The following TNS2 variants were observed in gnomAD, a reference collection of about 807,000 sequenced individuals.
TNS2 encodes tensin 2.
Under a neutral mutation model 155.7 loss-of-function variants are expected in TNS2, and 77 were observed. The observed-to-expected ratio is 0.49, with a 90% confidence interval of 0.41 to 0.60. The LOEUF is 0.60. TNS2 is among the 20% of genes least tolerant of loss of function. TNS2 has a pLI of 0.00. For missense variants in TNS2, 1,703 were observed against 1,868.8 expected (o/e 0.91, Z 1.64); for synonymous variants, 726 against 763.9 (o/e 0.95, Z 0.82).
intron 8 of TNS2, 128 bp downstream of exon 8, chr12:53,055,364 T>C: frequency 8.3e-7 from 1 of 1,205,050 alleles, no homozygotes; most frequent in Non-Finnish European, 1.2e-6. Flanking sequence ...CACTCTCCCA[T>C]GATATATTAC....
chr12:53,048,755 G>T (rs561542324), upstream of TNS2, among the ~76,000 whole-genome samples: 1 of 152,320 alleles, frequency 6.6e-6, no homozygotes, highest in South Asian at 2.1e-4. Context: ...GTCCTCGCAA[G>T]GGTCTCAAGT....
In TNS2 at chr12:53,050,308, C is replaced by T. The variant is rs750446958; in HGVS notation, c.75+48C>T. On this transcript the variant is annotated intron_variant, in intron 1 of 28. Coordinates refer to ENST00000314250, the MANE Select transcript of TNS2 (RefSeq NM_170754.4). The surrounding 1 kb of genome is among the most constrained non-coding windows in gnomAD (Gnocchi z 4.7). ...CAAAAGAGGGGCAGGGGTGGAGGTG[C>T]GGGCAGTGGGGGAGGGGACCAGGAA... 2.4e-5 allele frequency: 37 copies of T among 1,531,874 alleles called. No individual in the cohort carries two copies. Among genetic ancestry groups the T allele is most frequent in the African/African-American group, 1.2e-4 (9 of 73,030 alleles). The allele number at this position is 1,531,874 out of a possible 1,614,324, so 94.9% of individuals were successfully genotyped here.
At chr12:53,049,414 G>T (rs1183955906), upstream of TNS2, among the ~76,000 whole-genome samples, 1 of 152,146 alleles carries the variant, frequency 6.6e-6, no homozygotes, top group African/African-American at 2.4e-5. Flanking sequence ...GAAACCTGGG[G>T]GCTTTCAGGA....
intron 10 of TNS2, chr12:53,056,374 C>G (rs890135134): frequency 6.5e-6 from 1 of 153,188 alleles, no homozygotes; most frequent in Non-Finnish European, 1.5e-5. Flanking sequence ...AAAACAAAAA[C>G]AAAACAAAAC....
Position 53,063,140 on chromosome 12 carries a change from C to A in TNS2, c.3875C>A (p.Pro1292His). 6.2e-7 allele frequency: 1 copy of A among 1,603,048 alleles called. No homozygotes were observed. The highest frequency in any genetic ancestry group is 1.3e-5 in the African/African-American group (1 of 74,636). The change falls in exon 26 of 29, where the codon CCC (proline) becomes CAC (histidine). Residue 1292 changes from proline (P) to histidine (H), a missense_variant. Physicochemically the swap from Pro to His is moderately conservative, Grantham distance 77. Transcript: ENST00000314250. The surrounding 1 kb of genome is among the most constrained non-coding windows in gnomAD (Gnocchi z 5.6). ...TSVETESLTGPQAVARASSAA... is the reference protein window; with the variant it reads ...TSVETESLTGHQAVARASSAA... ...GTGGAGACAGAGTCACTGACGGGCC[C>A]CCAAGCTGTGGCCCGGGCCAGCTCT...
rs1213075229 is a variant in TNS2 at position 53,061,908 on chromosome 12, C to T, written c.3542C>T (p.Ala1181Val). Residue 1181 changes from alanine (A) to valine (V), a missense_variant, in exon 22 of 29, where the codon GCC becomes GTC. Physicochemically the swap from Ala to Val is moderately conservative, Grantham distance 64. Transcript: ENST00000314250. Reference protein sequence around the residue: ...QGAYGLALKVATPPPSAQPWK... With the variant: ...QGAYGLALKVVTPPPSAQPWK... The stretch of plus-strand genomic sequence containing the variant: ...GCTTATGGGCTGGCCCTCAAGGTGG[C>T]CACACCGCCACCCAGTGCCCAGCCC... The T allele has an allele frequency of 6.2e-7, 1 of 1,613,266 alleles. No individual in the cohort carries two copies. The highest frequency in any genetic ancestry group is 8.5e-7 in the Non-Finnish European group (1 of 1,179,848).
intron 25 of TNS2, 106 bp downstream of exon 25, chr12:53,062,803 C>T (rs1944425373): frequency 7.3e-7 from 1 of 1,373,428 alleles, no homozygotes; most frequent in Middle Eastern, 1.8e-4. Context: ...GAGCCCTGGC[C>T]AACCCATGAG....
At position 53,056,877 on chromosome 12, in the gene TNS2, C is replaced by T. The variant is rs1161651762; in HGVS notation, c.762-136C>T. 3.9e-6 allele frequency: 3 copies of T among 777,976 alleles called. No homozygotes were observed. The East Asian group carries it at 8.2e-5, about 21-fold the overall frequency. The allele number at this position is 777,976 out of a possible 1,614,324, so 48.2% of individuals were successfully genotyped here. A position where few individuals can be genotyped will look rare whatever the true frequency, so the allele number is the denominator to read the frequency against. On this transcript the variant is annotated intron_variant, in intron 10 of 28. Coordinates refer to ENST00000314250, the MANE Select transcript of TNS2 (RefSeq NM_170754.4). ...TAAAGTGACTGTACATGGTGCTTCT[C>T]ATTCTCATTACCACTACTCTGGGCT...
intron 11 of TNS2, 42 bp from the exon 12 acceptor site, chr12:53,057,525 A>G (rs754316764): frequency 2.1e-6 from 3 of 1,461,400 alleles, no homozygotes; most frequent in South Asian, 2.4e-5. Context: ...GGTGACCTCC[A>G]GAGGAAAAGG....
chr12:53,049,250 T>C (rs184796279), upstream of TNS2: 54 of 1,606,148 alleles, frequency 3.4e-5, no homozygotes, highest in East Asian at 8.4e-4. Flanking sequence ...GCCATGAAGG[T>C]AGTACTCAGG....
rs747761927 is a variant in TNS2, at chr12:53,063,134, C to G, written c.3869C>G (p.Thr1290Arg). The change falls in exon 26 of 29, where the codon ACG becomes AGG. Residue 1290 changes from threonine (T) to arginine (R), a missense_variant. Coordinates refer to ENST00000314250, the MANE Select transcript of TNS2 (RefSeq NM_170754.4). The surrounding 1 kb of genome is among the most constrained non-coding windows in gnomAD (Gnocchi z 5.6). ...ACCTCAGTGGAGACAGAGTCACTGACGGGCCCCCAAGCTGTGGCCCGGGCC... is the reference window on the plus strand; with the variant it reads ...ACCTCAGTGGAGACAGAGTCACTGAGGGGCCCCCAAGCTGTGGCCCGGGCC... The part of the protein sequence containing the change: ...YLTSVETESL[T>R]GPQAVARASS... 1.3e-6 allele frequency: 2 copies of G among 1,595,498 alleles called. No homozygotes were observed. Among genetic ancestry groups the G allele is most frequent in the Non-Finnish European group, 1.7e-6 (2 of 1,172,018 alleles).
upstream of TNS2, among the ~76,000 whole-genome samples, chr12:53,048,498 T>C (rs1943807740): frequency 6.6e-6 from 1 of 152,158 alleles, no homozygotes; most frequent in Non-Finnish European, 1.5e-5. Flanking sequence ...CAAGCAGGGC[T>C]GGGGGCTCGA....
upstream of TNS2, chr12:53,049,072 C>A: frequency 8.7e-7 from 1 of 1,150,974 alleles, no homozygotes; most frequent in Non-Finnish European, 1.2e-6. Flanking sequence ...TTTTCAAGGC[C>A]CCATCCACCT....
intron 12 of TNS2, 41 bp downstream of exon 12, chr12:53,057,720 T>A (rs775828334): frequency 6.2e-7 from 1 of 1,613,612 alleles, no homozygotes; most frequent in Admixed American, 1.7e-5. Flanking sequence ...AGAACCACCT[T>A]CAGGCCCTCT....
chr12:53,062,492 C>G (rs374910515), intron 24 of TNS2, 39 bp downstream of exon 24: 1 of 1,611,156 alleles, frequency 6.2e-7, no homozygotes, highest in African/African-American at 1.3e-5. Context: ...CCTCTCCCTA[C>G]CCCCTGCAGC....
upstream of TNS2, among the ~76,000 whole-genome samples, chr12:53,048,425 G>A (rs773853925): frequency 1.3e-5 from 2 of 152,230 alleles, no homozygotes; most frequent in Non-Finnish European, 2.9e-5. Flanking sequence ...AGGAGCAGAA[G>A]CTGGGACTGG....
intron 15 of TNS2, 37 bp downstream of exon 15, chr12:53,058,482 G>C: frequency 1.0e-5 from 5 of 487,200 alleles, no homozygotes; most frequent in Non-Finnish European, 1.2e-5. Flanking sequence ...CTGGAGTCCA[G>C]GTGGCAGGCA....
At chr12:53,053,030 A>G in intron 3 of TNS2, 1 of 344,606 alleles carries the variant, frequency 2.9e-6, no homozygotes, top group Non-Finnish European at 5.6e-6. Context: ...GGACAGGGGG[A>G]GGAGGATCCC....
chr12:53,059,154 C>A lies in TNS2; in HGVS notation c.1513C>A (p.Pro505Thr), dbSNP rs755492418. 6 of 1,599,622 alleles carry A rather than the reference C, an allele frequency of 3.8e-6. No individual in the cohort carries two copies. The highest frequency in any genetic ancestry group is 5.1e-6 in the Non-Finnish European group (6 of 1,176,758). The change falls in exon 18 of 29, where the codon CCC becomes ACC. Residue 505 changes from proline (P) to threonine (T), a missense_variant. Pro to Thr is a conservative substitution (Grantham distance 38). Transcript: ENST00000314250. This position sits in a 1 kb window ranked among gnomAD's most constrained non-coding sequence, Gnocchi z 4.7. ...ACCCTCTCCAGAGCCTCCACCACCCCCCATGCTCTCTGTCAGCAGCGACTC... is the reference window on the plus strand; with the variant it reads ...ACCCTCTCCAGAGCCTCCACCACCCACCATGCTCTCTGTCAGCAGCGACTC... Reference protein sequence around the residue: ...PAPSPEPPPPPMLSVSSDSGH... With the variant: ...PAPSPEPPPPTMLSVSSDSGH...
Sources: allele counts gnomAD v4.1 joint callset (sites outside exome capture counted in the v4.1 genomes callset), GRCh38; gene constraint gnomAD v4.1.1; non-coding constraint Gnocchi (gnomAD v3.1); transcripts MANE v1.5; gene names NCBI Gene and HGNC (gene_info 2026-07-23, HGNC 2026-07-21).